The following ADGB variants were observed in gnomAD, a reference collection of about 807,000 sequenced individuals.
ADGB encodes androglobin.
Under a neutral mutation model 210.5 loss-of-function variants are expected in ADGB, and 172 were observed. The ratio of observed to expected loss-of-function variants is 0.82; its 90% CI spans 0.72 to 0.93. The LOEUF (loss-of-function observed/expected upper bound fraction) is 0.93. ADGB is among the 40% of genes least tolerant of loss of function. The pLI, the probability that ADGB is intolerant of heterozygous loss-of-function variation, is 0.00. For synonymous variants in ADGB, 658 were observed against 662.7 expected (o/e 0.99, Z 0.11); for missense variants, 2,025 against 1,964.8 (o/e 1.03, Z -0.58).
chr6:146,656,856 C>T lies in ADGB; in HGVS notation c.488C>T (p.Ser163Leu), dbSNP rs777291549. The T allele has an allele frequency of 2.6e-6, 4 of 1,551,514 alleles. No individual in the cohort carries two copies. The highest frequency in any genetic ancestry group is 3.5e-6 in the Non-Finnish European group (4 of 1,146,730). The change falls in exon 5 of 36, where the codon TCA becomes TTA. Residue 163 changes from serine (S) to leucine (L), a missense_variant. Ser to Leu is a moderately radical substitution (Grantham distance 145). Coordinates refer to ENST00000397944, the MANE Select transcript of ADGB (RefSeq NM_024694.4). Reference protein sequence around the residue: ...GILSNYFKGTSGEPPLLPWKP... With the variant: ...GILSNYFKGTLGEPPLLPWKP... Reference sequence around the variant, plus strand: ...TTGAGCAATTATTTTAAGGGGACTTCAGGGGAACCTCCTCTTCTCCCCTGG... The same window carrying T: ...TTGAGCAATTATTTTAAGGGGACTTTAGGGGAACCTCCTCTTCTCCCCTGG...
intron 13 of ADGB, among the ~76,000 whole-genome samples, chr6:146,709,845 G>A (rs1776634351): frequency 1.3e-5 from 2 of 152,092 alleles, no homozygotes; most frequent in Admixed American, 6.5e-5. Flanking sequence ...CTTCTTCAAT[G>A]TGTCTTATTT....
At chr6:146,761,157 T>G (rs1216672610) in intron 27 of ADGB, among the ~76,000 whole-genome samples, 2 of 152,004 alleles carry the variant, frequency 1.3e-5, no homozygotes, top group East Asian at 3.9e-4. Flanking sequence ...CTAAGAAATA[T>G]TTACCTAATC....
chr6:146,716,158 C>G (rs1027851541), intron 14 of ADGB, among the ~76,000 whole-genome samples: 1 of 151,868 alleles, frequency 6.6e-6, no homozygotes, highest in Non-Finnish European at 1.5e-5. Context: ...TACTGAAACA[C>G]ATTTGTTGCA....
intron 10 of ADGB, 37 bp from the exon 11 acceptor site, chr6:146,691,079 A>T (rs1320294992): frequency 3.4e-6 from 5 of 1,472,672 alleles, no homozygotes; most frequent in Non-Finnish European, 4.5e-6. Flanking sequence ...GTTTTGAATG[A>T]AGGAGAATGC....
At chr6:146,668,974 A>G (rs915181747) in intron 7 of ADGB, among the ~76,000 whole-genome samples, 2 of 152,080 alleles carry the variant, frequency 1.3e-5, no homozygotes, top group African/African-American at 4.8e-5. Flanking sequence ...TAATCATCCA[A>G]GAAGTTATAT....
chr6:146,724,175 T>G lies in ADGB; in HGVS notation c.2096-11T>G, dbSNP rs1184325203. On this transcript the variant is annotated splice_polypyrimidine_tract_variant and intron_variant, in intron 17 of 35. Transcript: ENST00000397944. ...TGATCAAACTTTAATACCTTTTTAC[T>G]TATCTTAAAGCCTTAACAAAAGACA... 1 of 1,541,228 alleles carries G rather than the reference T, an allele frequency of 6.5e-7. No homozygotes were observed. Among genetic ancestry groups the G allele is most frequent in the Admixed American group, 2.1e-5 (1 of 47,612 alleles).
intron 35 of ADGB, among the ~76,000 whole-genome samples, chr6:146,804,771 T>C (rs1290899736): frequency 2.6e-5 from 4 of 152,156 alleles, no homozygotes; most frequent in African/African-American, 7.2e-5. Context: ...ATTGTACCAA[T>C]CACGACAAAC....
At chr6:146,629,779 T>A (rs1248057678) in intron 1 of ADGB, among the ~76,000 whole-genome samples, 2 of 152,154 alleles carry the variant, frequency 1.3e-5, no homozygotes, top group Admixed American at 1.3e-4. Context: ...AAAGCTTCAT[T>A]TTTCCCTGAA....
rs1231498514 is a variant in ADGB at position 146,781,684 on chromosome 6, T to C, written c.3863-336T>C. Among the ~76,000 whole-genome samples, 4 of 152,086 alleles carry C rather than the reference T, an allele frequency of 2.6e-5. 1 individual carries two copies. In the South Asian group the frequency reaches 6.2e-4, roughly 24 times the overall value. ...CAGCAGAGGTAAATGAGTTCAATAT[T>C]GTATTACAAGTACTAGCCAACACAA... On this transcript the variant is annotated intron_variant, in intron 29 of 35. Transcript: ENST00000397944.
At chr6:146,693,935 C>T (rs1411546860) in intron 12 of ADGB, among the ~76,000 whole-genome samples, 1 of 152,080 alleles carries the variant, frequency 6.6e-6, no homozygotes, top group Non-Finnish European at 1.5e-5. Flanking sequence ...ATCAAAATGG[C>T]CTTTACTATC....
chr6:146,717,804 A>T (rs867391404), intron 16 of ADGB, among the ~76,000 whole-genome samples: 3 of 152,306 alleles, frequency 2.0e-5, no homozygotes, highest in Middle Eastern at 6.8e-3. Flanking sequence ...GATCCATCTG[A>T]CTATGTTGAA....
In ADGB at chr6:146,657,001, A is replaced by G. The variant is rs763131877; in HGVS notation, c.612+21A>G. 42 of 1,518,974 alleles carry G rather than the reference A, an allele frequency of 2.8e-5. No individual in the cohort carries two copies. The South Asian group carries it at 4.2e-4, about 15-fold the overall frequency. The allele number at this position is 1,518,974 out of a possible 1,614,324, so 94.1% of individuals were successfully genotyped here. The stretch of plus-strand genomic sequence containing the variant: ...GGATGGTAAGTCCATTTTCGTGTGC[A>G]TAAAAACTCATGAGTCTTTCATATT... On this transcript the variant is annotated intron_variant, in intron 5 of 35. Coordinates refer to ENST00000397944, the MANE Select transcript of ADGB (RefSeq NM_024694.4).
rs188779036 is a variant in ADGB at position 146,759,242 on chromosome 6, C to G, written c.3551-4659C>G. Among the ~76,000 whole-genome samples the G allele has an allele frequency of 3.9e-4, 59 of 151,788 alleles. 1 individual carries two copies. In the South Asian group the frequency reaches 5.2e-3, roughly 13 times the overall value. ...ACTTCATTGCAAGGATGCAGAAGTT[C>G]AAAATGAGCCAGTCACAGATCTTAT... On this transcript the variant is annotated intron_variant, in intron 27 of 35. Transcript: ENST00000397944.
At chr6:146,607,046 C>A (rs1250861479) in intron 1 of ADGB, among the ~76,000 whole-genome samples, 1 of 151,998 alleles carries the variant, frequency 6.6e-6, no homozygotes, top group Admixed American at 6.6e-5. Flanking sequence ...AGTGTTTTTC[C>A]ATTTATTTGT....
intron 20 of ADGB, among the ~76,000 whole-genome samples, chr6:146,732,491 C>A (rs1777006131): frequency 3.3e-5 from 5 of 152,022 alleles, no homozygotes; most frequent in Admixed American, 3.3e-4. Flanking sequence ...CAAGATTACT[C>A]CTCACGGGCT....
chr6:146,610,565 T>C (rs1211052013), intron 1 of ADGB, among the ~76,000 whole-genome samples: 2 of 152,208 alleles, frequency 1.3e-5, no homozygotes, highest in African/African-American at 2.4e-5. Flanking sequence ...TAGTATAAGT[T>C]GAATTTAGTC....
At chr6:146,613,690 G>T (rs1231729775) in intron 1 of ADGB, among the ~76,000 whole-genome samples, 1 of 152,112 alleles carries the variant, frequency 6.6e-6, no homozygotes, top group Non-Finnish European at 1.5e-5. Flanking sequence ...GTCTGTAGTG[G>T]CTTTATACCT....
chr6:146,748,065 T>A (rs1388531282), intron 26 of ADGB, among the ~76,000 whole-genome samples: 5 of 151,952 alleles, frequency 3.3e-5, no homozygotes, highest in African/African-American at 1.2e-4. Flanking sequence ...ATTACAGATG[T>A]GAGCAACTGC....
intron 1 of ADGB, among the ~76,000 whole-genome samples, chr6:146,621,847 A>G (rs938624267): frequency 6.6e-6 from 1 of 152,132 alleles, no homozygotes; most frequent in African/African-American, 2.4e-5. Context: ...TAGCTATTAC[A>G]AACAAAGCTG....
Sources: allele counts gnomAD v4.1 joint callset (sites outside exome capture counted in the v4.1 genomes callset), GRCh38; gene constraint gnomAD v4.1.1; transcripts MANE v1.5; gene names NCBI Gene and HGNC (gene_info 2026-07-23, HGNC 2026-07-21).